SVEP1: variants seen among roughly 807,000 people sequenced by gnomAD.
SVEP1 encodes the protein sushi, von Willebrand factor type A, EGF and pentraxin domain containing 1, also known as sushi, von Willebrand factor type A, EGF and pentraxin domain-containing protein 1.
SVEP1 carries 164 observed loss-of-function variants against 367.3 expected under a neutral mutation model. The observed-to-expected ratio is 0.45, with a 90% CI of 0.39 to 0.51. The LOEUF is 0.51. SVEP1 is among the 20% of genes least tolerant of loss of function. The probability of loss-of-function intolerance (pLI) is 0.00; values close to 1 mark genes in which losing one functional copy is unlikely to be tolerated. For synonymous variants in SVEP1, 1,666 were observed against 1,611.6 expected, an observed-to-expected ratio of 1.03 and a Z score of -0.81; for missense variants, 4,117 against 4,425.3, an observed-to-expected ratio of 0.93 and a Z score of 1.98.
intron 1 of SVEP1, among the ~76,000 whole-genome samples, chr9:110,567,570 T>C (rs886434587): frequency 6.6e-6 from 1 of 152,276 alleles, no homozygotes. Flanking sequence ...TGTGAGTTCT[T>C]TGAAGAACAC....
intron 36 of SVEP1, among the ~76,000 whole-genome samples, chr9:110,425,108 G>C (rs1828232151): frequency 6.6e-6 from 1 of 152,154 alleles, no homozygotes; most frequent in Non-Finnish European, 1.5e-5. Context: ...TATTAAAGGG[G>C]CATCATTTTT....
intron 3 of SVEP1, among the ~76,000 whole-genome samples, chr9:110,516,209 T>C (rs992632851): frequency 6.7e-6 from 1 of 149,822 alleles, no homozygotes; most frequent in African/African-American, 2.4e-5. Flanking sequence ...AATAAAAATA[T>C]AATATACTAA....
intron 28 of SVEP1, 81 bp from the exon 29 acceptor site, chr9:110,435,445 A>G (rs943703774): frequency 6.6e-7 from 1 of 1,506,112 alleles, no homozygotes. Flanking sequence ...AGTCCTATTG[A>G]AAACATTCAC....
chr9:110,408,165 G>A lies in SVEP1; in HGVS notation c.7435C>T (p.Leu2479Phe). The A allele has an allele frequency of 6.2e-7, 1 of 1,613,912 alleles. No individual in the cohort carries two copies. The highest frequency in any genetic ancestry group is 8.5e-7 in the Non-Finnish European group (1 of 1,179,866). The change falls in exon 38 of 48, where the codon CTT becomes TTT. Residue 2479 changes from leucine (L) to phenylalanine (F), a missense_variant. Leu to Phe is a conservative substitution (Grantham distance 22). Around this residue, in one of 4 missense-constraint regions of SVEP1, gnomAD observed 1,765 missense variants for 1,781.1 expected, o/e 0.99. Coordinates refer to ENST00000374469, the MANE Select transcript of SVEP1 (RefSeq NM_153366.4). ...AGCCAGTGACCATTTTCTCCACAAA[G>A]GGTGGTAGTATTTCCCACCAATTCA... ...GFELVGNTTT[L>F]CGENGHWLGG...
Position 110,466,586 on chromosome 9 carries a change from G to A in SVEP1, c.3161-560C>T, listed in dbSNP as rs907568251. Among the ~76,000 whole-genome samples the A allele has an allele frequency of 2.0e-5, 3 of 151,176 alleles. No homozygotes were observed. The South Asian group carries it at 6.3e-4, about 32-fold the overall frequency. ...ATCCCGGCTAAAACGGTGAAACCCCGTCTCTACTAAAAAAATACAAAAAAA... is the reference window on the plus strand; with the variant it reads ...ATCCCGGCTAAAACGGTGAAACCCCATCTCTACTAAAAAAATACAAAAAAA... On this transcript the variant is annotated intron_variant, in intron 17 of 47. Coordinates refer to ENST00000374469, the MANE Select transcript of SVEP1 (RefSeq NM_153366.4).
intron 40 of SVEP1, among the ~76,000 whole-genome samples, chr9:110,400,381 T>C (rs55947815): frequency 0.072 from 10,872 of 151,900 alleles, 564 homozygotes; most frequent in Non-Finnish European, 0.11. Flanking sequence ...TTTTTTTTTT[T>C]CTTTGAGATG....
At chr9:110,489,321 G>T (rs1288830880) in intron 9 of SVEP1, among the ~76,000 whole-genome samples, 3 of 152,124 alleles carry the variant, frequency 2.0e-5, no homozygotes, top group African/African-American at 7.2e-5. Context: ...AGACATACCC[G>T]AGACTGAGTA....
chr9:110,427,608 A>G lies in SVEP1; in HGVS notation c.5958T>C (p.Thr1986=). The part of the protein sequence containing the change: ...GNNFTFRNTV[T]YTCKEGYTLA... ...CTACTCACCCTTCTTTGCAAGTGTA[A>G]GTGACGGTGTTCCTGAAAGTGAAGT... The change falls in exon 36 of 48, where the codon ACT becomes ACC. Residue 1986 remains threonine (T), a synonymous_variant. Transcript: ENST00000374469. 1.9e-6 allele frequency: 3 copies of G among 1,613,574 alleles called. No individual in the cohort carries two copies. The highest frequency in any genetic ancestry group is 2.5e-6 in the Non-Finnish European group (3 of 1,179,660).
intron 22 of SVEP1, 28 bp downstream of exon 22, chr9:110,455,562 T>C: frequency 6.5e-7 from 1 of 1,527,150 alleles, no homozygotes; most frequent in Admixed American, 1.8e-5. Context: ...AGATTTATAT[T>C]GTTGAAAACA....
intron 18 of SVEP1, among the ~76,000 whole-genome samples, chr9:110,461,671 TG>T (rs752679628): frequency 1.4e-4 from 22 of 152,302 alleles, no homozygotes; most frequent in Admixed American, 3.3e-4. Flanking sequence ...CCAAATTTTT[TG>T]CTAAAGAGCT....
intron 23 of SVEP1, 66 bp downstream of exon 23, chr9:110,451,222 GA>G: frequency 7.9e-7 from 1 of 1,262,660 alleles, no homozygotes; most frequent in East Asian, 2.4e-5. Context: ...TATATGTTAA[GA>G]AATGTACTAA....
At chr9:110,487,159 T>C (rs964743349) in intron 9 of SVEP1, among the ~76,000 whole-genome samples, 1 of 152,152 alleles carries the variant, frequency 6.6e-6, no homozygotes, top group Non-Finnish European at 1.5e-5. Flanking sequence ...TTTCTTCACA[T>C]TGGTCAGGCT....
rs57204424 is a variant in SVEP1 at position 110,471,625 on chromosome 9, C to T, written c.2765-28G>A. On this transcript the variant is annotated intron_variant, in intron 15 of 47. Coordinates refer to ENST00000374469, the MANE Select transcript of SVEP1 (RefSeq NM_153366.4). Reference sequence around the variant, plus strand: ...GAGATAAAAACAAAATAAAACACAACACAAACACATGGTGTTTCAGAAAGT... The same window carrying T: ...GAGATAAAAACAAAATAAAACACAATACAAACACATGGTGTTTCAGAAAGT... 8.9e-4 allele frequency: 1,369 copies of T among 1,536,510 alleles called. 15 individuals carry two copies. In the African/African-American group the frequency reaches 0.016, roughly 18 times the overall value.
intron 27 of SVEP1, 100 bp downstream of exon 27, chr9:110,443,445 G>A (rs745748479): frequency 5.4e-5 from 60 of 1,106,908 alleles, no homozygotes; most frequent in Non-Finnish European, 6.9e-5. Flanking sequence ...GTTAATCTTT[G>A]TTTGAAACCA....
chr9:110,485,831 T>C (rs1447547407), intron 9 of SVEP1, among the ~76,000 whole-genome samples: 6 of 152,200 alleles, frequency 3.9e-5, no homozygotes, highest in Non-Finnish European at 7.3e-5. Context: ...ATCCAAGATA[T>C]ATGCAAATAC....
rs1828689085 is a variant in SVEP1 at position 110,451,298 on chromosome 9, C to G, written c.3892G>C (p.Gly1298Arg). 6.2e-7 allele frequency: 1 copy of G among 1,613,134 alleles called. No homozygotes were observed. The highest frequency in any genetic ancestry group is 8.5e-7 in the Non-Finnish European group (1 of 1,179,346). Residue 1298 changes from glycine to arginine, a missense_variant, in exon 23 of 48, where the codon GGA (glycine) becomes CGA (arginine). Physicochemically the swap from Gly to Arg is moderately radical, Grantham distance 125. Transcript: ENST00000374469. Reference protein sequence around the residue: ...VAGYRCTCVKGFVGLHCETEV... With the variant: ...VAGYRCTCVKRFVGLHCETEV... ...ACTGGAAACATCTTACCTACAAATC[C>G]TTTCACACATGTGCAACGATAGCCA...
At chr9:110,385,623 T>C (rs1564125464) in intron 43 of SVEP1, among the ~76,000 whole-genome samples, 2 of 152,228 alleles carry the variant, frequency 1.3e-5, no homozygotes, top group African/African-American at 2.4e-5. Flanking sequence ...GGAGAAAAAT[T>C]TGTATTTTGA....
intron 40 of SVEP1, among the ~76,000 whole-genome samples, chr9:110,396,617 AAGAG>A (rs1827765441): frequency 6.7e-6 from 1 of 149,404 alleles, no homozygotes; most frequent in Non-Finnish European, 1.5e-5. Context: ...CTAATAAGAA[AAGAG>A]AGAAGAATCA....
intron 27 of SVEP1, chr9:110,443,068 G>A (rs1216767376): frequency 6.6e-6 from 1 of 152,340 alleles, no homozygotes; most frequent in African/African-American, 2.4e-5. Flanking sequence ...GAGAACCTGG[G>A]TCACCTAATG....
Sources: gnomAD v4.1 joint callset for allele counts (sites outside exome capture counted in the v4.1 genomes callset) on GRCh38, gnomAD v4.1.1 for gene constraint, gnomAD v4.1.1 regional missense constraint, MANE v1.5 for transcripts, NCBI Gene and HGNC (gene_info 2026-07-23, HGNC 2026-07-21) for gene names.